PPP1R9A: variants seen among roughly 807,000 people sequenced by gnomAD.
PPP1R9A encodes protein phosphatase 1 regulatory subunit 9A.
PPP1R9A carries 59 observed loss-of-function variants against 141.9 expected under a neutral mutation model. The ratio of observed to expected loss-of-function variants is 0.42; its 90% CI spans 0.34 to 0.52. The LOEUF (loss-of-function observed/expected upper bound fraction) is 0.52, where lower values mean the gene tolerates loss of function less well. Ranked by LOEUF, PPP1R9A falls within the 20% of genes least tolerant of loss-of-function variation. The pLI is 0.10. For missense variants in PPP1R9A, 1,444 were observed against 1,611.9 expected (o/e 0.90, Z 1.78); for synonymous variants, 500 against 569.7 (o/e 0.88, Z 1.74).
intron 2 of PPP1R9A, among the ~76,000 whole-genome samples, chr7:94,935,464 A>G (rs1794668449): frequency 6.6e-6 from 1 of 152,186 alleles, no homozygotes; most frequent in South Asian, 2.1e-4. Flanking sequence ...AGAAAATCAT[A>G]AAGCTATTAA....
intron 7 of PPP1R9A, among the ~76,000 whole-genome samples, chr7:95,210,177 G>A (rs1239620152): frequency 1.3e-5 from 2 of 152,034 alleles, no homozygotes; most frequent in Non-Finnish European, 2.9e-5. Context: ...GTATTAAATG[G>A]AATTGAATTA....
At chr7:95,186,994 G>C (rs1008718808) in intron 5 of PPP1R9A, among the ~76,000 whole-genome samples, 2 of 151,942 alleles carry the variant, frequency 1.3e-5, no homozygotes, top group Non-Finnish European at 2.9e-5. Context: ...GTCCTTTCCT[G>C]GTTCTGGTAT....
chr7:95,263,428 CTGTTGT>C (rs796429608), intron 12 of PPP1R9A, among the ~76,000 whole-genome samples: 1,178 of 43,836 alleles, frequency 0.027, 12 homozygotes, highest in African/African-American at 0.065. Flanking sequence ...GTTGTTGTTG[CTGTTGT>C]TGTTGTTGTT....
chr7:95,167,962 C>G (rs543869714), intron 5 of PPP1R9A, among the ~76,000 whole-genome samples: 13 of 152,174 alleles, frequency 8.5e-5, no homozygotes, highest in Middle Eastern at 3.4e-3. Flanking sequence ...TTAAAATGAC[C>G]ACACTCCCCA....
intron 14 of PPP1R9A, among the ~76,000 whole-genome samples, chr7:95,270,982 G>C (rs1281437600): frequency 6.6e-6 from 1 of 152,032 alleles, no homozygotes; most frequent in Non-Finnish European, 1.5e-5. Context: ...GCTGAGGTTG[G>C]TAAACAAAAC....
intron 4 of PPP1R9A, among the ~76,000 whole-genome samples, chr7:95,147,931 C>A (rs1487973744): frequency 6.6e-6 from 1 of 152,106 alleles, no homozygotes; most frequent in Non-Finnish European, 1.5e-5. Flanking sequence ...CATTGATGTT[C>A]ATCAGGGATA....
chr7:95,150,472 T>C (rs1430049308), intron 4 of PPP1R9A, among the ~76,000 whole-genome samples: 1 of 152,038 alleles, frequency 6.6e-6, no homozygotes, highest in Admixed American at 6.6e-5. Flanking sequence ...CTGGCTAATT[T>C]TTTTGTATTT....
intron 2 of PPP1R9A, among the ~76,000 whole-genome samples, chr7:94,975,763 G>A (rs1055229242): frequency 2.0e-5 from 3 of 152,128 alleles, no homozygotes; most frequent in African/African-American, 7.2e-5. Flanking sequence ...CAGTTTGAAA[G>A]AAATAGGTTA....
At chr7:95,141,608 G>A (rs1826703548) in intron 4 of PPP1R9A, among the ~76,000 whole-genome samples, 1 of 149,862 alleles carries the variant, frequency 6.7e-6, no homozygotes, top group Non-Finnish European at 1.5e-5. Flanking sequence ...CATGTAAATG[G>A]AATACAGTAT....
At chr7:94,998,918 TA>T (rs1447354405) in intron 2 of PPP1R9A, among the ~76,000 whole-genome samples, 2 of 152,242 alleles carry the variant, frequency 1.3e-5, no homozygotes, top group East Asian at 3.9e-4. Context: ...TATAAGCCAC[TA>T]TGCCTGGCAA....
chr7:94,977,308 G>A (rs1395120730), intron 2 of PPP1R9A, among the ~76,000 whole-genome samples: 1 of 152,118 alleles, frequency 6.6e-6, no homozygotes, highest in Non-Finnish European at 1.5e-5. Flanking sequence ...CATTATTGAG[G>A]GGCTGGGAAG....
In PPP1R9A at chr7:95,214,969, C is replaced by A. The variant is rs1037919492; in HGVS notation, c.1957-10992C>A. ...ATGGAGTGAAAAATCAGGAAATATT[C>A]TTTTTTTTTAATATATATAAACTTT... is the stretch of plus-strand genomic sequence containing the variant. On this transcript the variant is annotated intron_variant, in intron 7 of 19. Transcript: ENST00000433360. Among the ~76,000 whole-genome samples, 4 of 150,682 alleles carry A rather than the reference C, an allele frequency of 2.7e-5. No individual in the cohort carries two copies. In the East Asian group the frequency reaches 7.8e-4, roughly 29 times the overall value.
At position 95,256,868 on chromosome 7, in the gene PPP1R9A, A is replaced by G. The variant is rs367596529; in HGVS notation, c.2665+4738A>G. On this transcript the variant is annotated intron_variant, in intron 12 of 19. Transcript: ENST00000433360. ...CATAAAAATAGCAAAAACTATGTAT[A>G]AGGTAGTCAGTGATGAATTTAACAA... Among the ~76,000 whole-genome samples, 61 of 152,296 alleles carry G rather than the reference A, an allele frequency of 4.0e-4. 1 individual carries two copies. In the South Asian group the frequency reaches 0.012, roughly 31 times the overall value.
intron 2 of PPP1R9A, among the ~76,000 whole-genome samples, chr7:95,072,200 T>C (rs1302265093): frequency 6.8e-6 from 1 of 148,060 alleles, no homozygotes; most frequent in African/African-American, 2.5e-5. Context: ...TATTTTCTTA[T>C]TTATTATAAA....
chr7:95,199,584 T>C (rs1277457034), intron 6 of PPP1R9A, among the ~76,000 whole-genome samples: 1 of 152,142 alleles, frequency 6.6e-6, no homozygotes, highest in Non-Finnish European at 1.5e-5. Flanking sequence ...TAGCAGAAAA[T>C]TAGAGGTGGT....
chr7:95,215,786 G>A (rs1430119845), intron 7 of PPP1R9A, among the ~76,000 whole-genome samples: 3 of 152,158 alleles, frequency 2.0e-5, no homozygotes, highest in African/African-American at 7.2e-5. Flanking sequence ...AGAAGTGTAT[G>A]TTCATATCCT....
intron 10 of PPP1R9A, 61 bp from the exon 11 acceptor site, chr7:95,251,701 A>G: frequency 2.0e-5 from 29 of 1,462,372 alleles, no homozygotes; most frequent in Non-Finnish European, 2.7e-5. Flanking sequence ...TTATTGTTTC[A>G]GATAAGAACT....
chr7:94,927,193 G>A (rs748518212), intron 2 of PPP1R9A, among the ~76,000 whole-genome samples: 1 of 152,044 alleles, frequency 6.6e-6, no homozygotes, highest in Non-Finnish European at 1.5e-5. Flanking sequence ...TTGCAGATAC[G>A]TAAAAACCAT....
At chr7:95,096,793 A>C (rs1048058054) in intron 2 of PPP1R9A, among the ~76,000 whole-genome samples, 3 of 152,018 alleles carry the variant, frequency 2.0e-5, no homozygotes, top group Non-Finnish European at 4.4e-5. Flanking sequence ...CCTACCTTGC[A>C]CATGCTACTC....
Sources: gnomAD v4.1 joint callset for allele counts (sites outside exome capture counted in the v4.1 genomes callset) on GRCh38, gnomAD v4.1.1 for gene constraint, MANE v1.5 for transcripts, NCBI Gene and HGNC (gene_info 2026-07-23, HGNC 2026-07-21) for gene names.